The following GRID2 variants were observed in gnomAD, a reference collection of about 807,000 sequenced individuals.
GRID2 encodes the protein glutamate ionotropic receptor delta type subunit 2.
GRID2 carries 33 observed loss-of-function variants against 114.8 expected under a neutral mutation model. That is an observed-to-expected ratio of 0.29 (90% confidence interval 0.22 to 0.38). GRID2 has a LOEUF of 0.38. Among genes scored for constraint, GRID2 ranks in the 10% least tolerant of loss-of-function variants. The probability of loss-of-function intolerance (pLI) is 1.00; values close to 1 mark genes in which losing one functional copy is unlikely to be tolerated. For synonymous variants in GRID2, 505 were observed against 449.9 expected, an observed-to-expected ratio of 1.12 and a Z score of -1.55; for missense variants, 1,184 against 1,257.7, an observed-to-expected ratio of 0.94 and a Z score of 0.89.
chr4:92,488,693 G>A (rs994864191), intron 1 of GRID2, among the ~76,000 whole-genome samples: 1 of 152,160 alleles, frequency 6.6e-6, no homozygotes, highest in African/African-American at 2.4e-5. Context: ...CTGAGGAAGG[G>A]TAAAAGAACG....
At chr4:93,622,288 T>C (rs1742282369) in intron 13 of GRID2, among the ~76,000 whole-genome samples, 1 of 152,120 alleles carries the variant, frequency 6.6e-6, no homozygotes, top group African/African-American at 2.4e-5. Flanking sequence ...ACACTAACAC[T>C]CCAAGCATCT....
At chr4:92,962,050 A>G (rs1055994641) in intron 2 of GRID2, among the ~76,000 whole-genome samples, 8 of 151,770 alleles carry the variant, frequency 5.3e-5, no homozygotes, top group African/African-American at 1.5e-4. Context: ...CTCTGCCTAC[A>G]TTGCCCATCT....
chr4:92,944,089 A>G (rs1751403996), intron 2 of GRID2, among the ~76,000 whole-genome samples: 1 of 152,142 alleles, frequency 6.6e-6, no homozygotes, highest in Admixed American at 6.5e-5. Context: ...CATGCTGGGA[A>G]CCACTACTCT....
intron 2 of GRID2, among the ~76,000 whole-genome samples, chr4:92,950,295 C>CTGCTCTG (rs1335956173): frequency 3.9e-5 from 6 of 152,144 alleles, no homozygotes; most frequent in Non-Finnish European, 5.9e-5. Context: ...TGAATCGATC[C>CTGCTCTG]TCTAACTGAC....
intron 2 of GRID2, among the ~76,000 whole-genome samples, chr4:92,977,268 C>T (rs1054934650): frequency 6.6e-6 from 1 of 152,062 alleles, no homozygotes; most frequent in Non-Finnish European, 1.5e-5. Flanking sequence ...GACATTTTCC[C>T]TAAGGAGATG....
intron 13 of GRID2, among the ~76,000 whole-genome samples, chr4:93,547,344 A>C (rs1733322327): frequency 6.6e-6 from 1 of 152,158 alleles, no homozygotes; most frequent in South Asian, 2.1e-4. Flanking sequence ...ATATTCCCCG[A>C]TTATATACTC....
intron 1 of GRID2, among the ~76,000 whole-genome samples, chr4:92,542,743 A>G (rs1239169471): frequency 1.3e-5 from 2 of 152,024 alleles, no homozygotes; most frequent in Non-Finnish European, 2.9e-5. Context: ...TTTTCCATGC[A>G]ACTAAACATA....
At chr4:93,089,588 G>C (rs757170719) in intron 3 of GRID2, among the ~76,000 whole-genome samples, 2 of 152,074 alleles carry the variant, frequency 1.3e-5, no homozygotes, top group Non-Finnish European at 2.9e-5. Context: ...TTACCTGCCT[G>C]GCTCAATAAC....
Position 92,965,488 on chromosome 4 carries a change from A to AAC in GRID2, c.245-119501_245-119500dup, listed in dbSNP as rs1560752254. 3.3e-3 allele frequency among the ~76,000 whole-genome samples: 400 copies of AAC among 122,780 alleles called. 4 individuals are homozygous for AAC. Among genetic ancestry groups the AAC allele is most frequent in the African/African-American group, 8.5e-3 (258 of 30,224 alleles). 80.5% of individuals were successfully genotyped at this position (122,780 alleles called of 152,430 possible). ...AAAAAAAAAAAAAAAAAAAAAAAAA[A>AAC]ACACACAACATCTGGGAAATGCAAC... On this transcript the variant is annotated intron_variant, in intron 2 of 15. Transcript: ENST00000282020.
chr4:92,738,350 C>G (rs560915777), intron 2 of GRID2, among the ~76,000 whole-genome samples: 2 of 151,542 alleles, frequency 1.3e-5, no homozygotes, highest in African/African-American at 4.8e-5. Flanking sequence ...AATAAGCTAA[C>G]TTTTAGCTTA....
chr4:93,678,486 A>G (rs1409804054), intron 14 of GRID2, among the ~76,000 whole-genome samples: 1 of 151,998 alleles, frequency 6.6e-6, no homozygotes, highest in African/African-American at 2.4e-5. Context: ...CAGATTCACC[A>G]AAGTTGAACT....
intron 1 of GRID2, among the ~76,000 whole-genome samples, chr4:92,311,625 T>C (rs1247412418): frequency 6.6e-6 from 1 of 152,100 alleles, no homozygotes; most frequent in Non-Finnish European, 1.5e-5. Context: ...CTCATTTTAT[T>C]GAGCAGAGTA....
intron 6 of GRID2, among the ~76,000 whole-genome samples, chr4:93,219,138 G>T (rs1008250771): frequency 6.6e-5 from 10 of 151,942 alleles, no homozygotes; most frequent in African/African-American, 2.2e-4. Context: ...GAAAATGATA[G>T]AATTCTAAAT....
intron 2 of GRID2, among the ~76,000 whole-genome samples, chr4:92,776,001 ACC>A (rs757173761): frequency 1.2e-4 from 18 of 152,150 alleles, no homozygotes; most frequent in Non-Finnish European, 2.5e-4. Context: ...TAAAAAATTG[ACC>A]TCTGACACAC....
At chr4:93,147,584 G>A (rs968039163) in intron 4 of GRID2, among the ~76,000 whole-genome samples, 1 of 152,164 alleles carries the variant, frequency 6.6e-6, no homozygotes, top group African/African-American at 2.4e-5. Context: ...AGGGAAGAGA[G>A]GACATTAAGG....
In GRID2 at chr4:92,765,590, G is replaced by A. The variant is rs547734431; in HGVS notation, c.244+175304G>A. The stretch of plus-strand genomic sequence containing the variant: ...GCCAGACTGACACTTTTTAGGTAGA[G>A]GTTTACTGTAGCATACAAGAAACAG... On this transcript the variant is annotated intron_variant, in intron 2 of 15. Coordinates refer to ENST00000282020, the MANE Select transcript of GRID2 (RefSeq NM_001510.4). 3.9e-5 allele frequency among the ~76,000 whole-genome samples: 6 copies of A among 152,114 alleles called. No individual in the cohort carries two copies. In the East Asian group the frequency reaches 7.8e-4, roughly 20 times the overall value.
intron 2 of GRID2, among the ~76,000 whole-genome samples, chr4:92,807,812 T>C (rs1740489418): frequency 6.6e-6 from 1 of 152,010 alleles, no homozygotes; most frequent in African/African-American, 2.4e-5. Context: ...TTTATGTGTG[T>C]GTGCATGTGT....
chr4:92,454,390 T>G (rs189055451), intron 1 of GRID2, among the ~76,000 whole-genome samples: 1 of 152,360 alleles, frequency 6.6e-6, no homozygotes, highest in East Asian at 1.9e-4. Flanking sequence ...TTTTTTCAAC[T>G]TTAAAAATCT....
chr4:93,366,299 C>T (rs1762327988), intron 8 of GRID2, among the ~76,000 whole-genome samples: 2 of 152,044 alleles, frequency 1.3e-5, no homozygotes, highest in Non-Finnish European at 2.9e-5. Flanking sequence ...AGAGAATGCG[C>T]ACCTGGGGAT....
Sources: gnomAD v4.1 joint callset for allele counts (sites outside exome capture counted in the v4.1 genomes callset) on GRCh38, gnomAD v4.1.1 for gene constraint, MANE v1.5 for transcripts, NCBI Gene and HGNC (gene_info 2026-07-23, HGNC 2026-07-21) for gene names.